The following POLQ variants were observed in gnomAD, a reference collection of about 807,000 sequenced individuals.
The protein encoded by POLQ is epididymis secretory sperm binding protein.
Under a neutral mutation model 259.2 loss-of-function variants are expected in POLQ, and 233 were observed. The observed-to-expected ratio is 0.90, with a 90% CI of 0.81 to 1.00. POLQ has a LOEUF of 1.00. POLQ is among the 50% of genes least tolerant of loss of function. The probability of loss-of-function intolerance (pLI) is 0.00; values close to 1 mark genes in which losing one functional copy is unlikely to be tolerated. For synonymous variants in POLQ, 1,025 were observed against 1,048.8 expected, an observed-to-expected ratio of 0.98 and a Z score of 0.44; for missense variants, 2,871 against 3,051.6, an observed-to-expected ratio of 0.94 and a Z score of 1.39.
At chr3:121,457,525 A>G (rs2047752389) in intron 25 of POLQ, among the ~76,000 whole-genome samples, 1 of 152,216 alleles carries the variant, frequency 6.6e-6, no homozygotes, top group South Asian at 2.1e-4. Context: ...AATGAACTCA[A>G]ACAAACTTAC....
At position 121,533,129 on chromosome 3, in the gene POLQ, A is replaced by G. The variant is rs2108818285; in HGVS notation, c.821T>C (p.Val274Ala). 1.9e-6 allele frequency: 3 copies of G among 1,614,140 alleles called. No homozygotes were observed. Among genetic ancestry groups the G allele is most frequent in the South Asian group, 2.2e-5 (2 of 91,082 alleles). ...GAGTTCAGCATTCAACCAGGAAGCC[A>G]CAAGCTCCAAATTAGGAAGGGTAGC... ...MSATLPNLEL[V>A]ASWLNAELYH... is the part of the protein sequence containing the mutation. Residue 274 changes from valine (V) to alanine (A), a missense_variant, in exon 6 of 30, where the codon GTG (valine) becomes GCG (alanine). Val to Ala is a moderately conservative substitution (Grantham distance 64, BLOSUM62 0). Coordinates refer to ENST00000264233, the MANE Select transcript of POLQ (RefSeq NM_199420.4).
chr3:121,466,435 A>C (rs938953693), intron 24 of POLQ, among the ~76,000 whole-genome samples: 3 of 151,306 alleles, frequency 2.0e-5, no homozygotes, highest in African/African-American at 7.3e-5. Flanking sequence ...TCACGCCTGT[A>C]ATCCCAGCAC....
intron 25 of POLQ, 46 bp from the exon 26 acceptor site, chr3:121,449,472 T>C: frequency 9.2e-7 from 1 of 1,090,484 alleles, no homozygotes; most frequent in Non-Finnish European, 1.4e-6. Flanking sequence ...GTACATAAAA[T>C]GCAAATAAAA....
intron 22 of POLQ, among the ~76,000 whole-genome samples, chr3:121,469,021 A>T (rs1250930694): frequency 1.3e-5 from 2 of 152,070 alleles, no homozygotes; most frequent in Non-Finnish European, 2.9e-5. Flanking sequence ...CCCCGTCTCC[A>T]CTAAAAACAC....
chr3:121,475,624 C>T (rs1296379052), intron 20 of POLQ, among the ~76,000 whole-genome samples: 2 of 152,016 alleles, frequency 1.3e-5, no homozygotes, highest in African/African-American at 4.8e-5. Context: ...TTAGCTTAAG[C>T]ATTTTTTTGG....
intron 8 of POLQ, chr3:121,521,539 T>A (rs1457053112): frequency 2.6e-5 from 4 of 152,402 alleles, no homozygotes; most frequent in African/African-American, 9.6e-5. Flanking sequence ...GAGACTACTA[T>A]ATAGAAATAA....
At chr3:121,461,124 T>C (rs1050746475) in intron 24 of POLQ, among the ~76,000 whole-genome samples, 8 of 152,152 alleles carry the variant, frequency 5.3e-5, no homozygotes, top group African/African-American at 1.9e-4. Flanking sequence ...ATTACAAAAG[T>C]TGGACAACAC....
intron 5 of POLQ, among the ~76,000 whole-genome samples, chr3:121,535,693 G>A (rs2048445082): frequency 7.7e-6 from 1 of 130,184 alleles, no homozygotes; most frequent in Admixed American, 9.1e-5. Flanking sequence ...TCCAGCCTGG[G>A]CAAAAGAGCG....
intron 18 of POLQ, 36 bp downstream of exon 18, chr3:121,483,350 G>T: frequency 8.3e-7 from 1 of 1,201,726 alleles, no homozygotes; most frequent in Non-Finnish European, 1.1e-6. Flanking sequence ...TAAAAATGTT[G>T]TTTTAAGTAT....
At chr3:121,542,860 G>A (rs1299703029) in intron 2 of POLQ, among the ~76,000 whole-genome samples, 2 of 151,976 alleles carry the variant, frequency 1.3e-5, no homozygotes, top group Non-Finnish European at 2.9e-5. Context: ...GCGGGCGCCT[G>A]TATGTAATTC....
In POLQ at chr3:121,529,601, A is replaced by G. The variant is rs199610522; in HGVS notation, c.1108+44T>C. On this transcript the variant is annotated intron_variant, in intron 7 of 29. Transcript: ENST00000264233. ...ATAATCACTACCATTACTTTCAAGC[A>G]AATGTACTAAGCATGAAGGCTTTCC... 243 of 1,577,414 alleles carry G rather than the reference A, an allele frequency of 1.5e-4. No individual in the cohort carries two copies. The African/African-American group carries it at 2.8e-3, about 18-fold the overall frequency.
Position 121,449,794 on chromosome 3 carries a change from CATT to C in POLQ, c.7153-371_7153-369del, listed in dbSNP as rs569749520. ...GTGCCTAGGAGTCAGGGAAGAGAAG[CATT>C]ACCAACATCCCTCTTCTTGTCCTTG... On this transcript the variant is annotated intron_variant, in intron 25 of 29. Transcript: ENST00000264233. Among the ~76,000 whole-genome samples, 13 of 152,262 alleles carry C rather than the reference CATT, an allele frequency of 8.5e-5. No individual in the cohort carries two copies. In the South Asian group the frequency reaches 2.1e-3, roughly 24 times the overall value.
intron 27 of POLQ, among the ~76,000 whole-genome samples, chr3:121,436,531 T>A (rs146655341): frequency 6.6e-6 from 1 of 152,336 alleles, no homozygotes; most frequent in South Asian, 2.1e-4. Flanking sequence ...TCTTGACTAC[T>A]CAGTTAGCAT....
chr3:121,492,637 CTTT>C (rs1213332147), intron 15 of POLQ, among the ~76,000 whole-genome samples: 3 of 140,234 alleles, frequency 2.1e-5, no homozygotes, highest in Non-Finnish European at 3.1e-5. Context: ...TTGCTCAGTA[CTTT>C]TTTTTTTTTT....
Position 121,544,855 on chromosome 3 carries a change from G to C in POLQ, c.215C>G (p.Ala72Gly). Reference sequence around the variant, plus strand: ...AACTGCTTTAGGAAGTCCCCAGTTTGCCAATAGTAGCTTGTCTCTTTCGTA... The same window carrying C: ...AACTGCTTTAGGAAGTCCCCAGTTTCCCAATAGTAGCTTGTCTCTTTCGTA... ...PDYERDKLLL[A>G]NWGLPKAVLE... Residue 72 changes from alanine (A) to glycine (G), a missense_variant, in exon 2 of 30, where the codon GCA (alanine) becomes GGA (glycine). Ala to Gly is a moderately conservative substitution (Grantham distance 60). Coordinates refer to ENST00000264233, the MANE Select transcript of POLQ (RefSeq NM_199420.4). 6.2e-7 allele frequency: 1 copy of C among 1,610,908 alleles called. No individual in the cohort carries two copies. The highest frequency in any genetic ancestry group is 8.5e-7 in the Non-Finnish European group (1 of 1,177,218).
intron 26 of POLQ, among the ~76,000 whole-genome samples, chr3:121,440,997 C>T (rs1236026461): frequency 2.0e-5 from 3 of 152,114 alleles, no homozygotes; most frequent in Admixed American, 6.6e-5. Flanking sequence ...AACATTCATC[C>T]TTTGCAATCT....
intron 4 of POLQ, 89 bp from the exon 5 acceptor site, chr3:121,537,297 T>A (rs2048457903): frequency 1.4e-6 from 1 of 736,354 alleles, no homozygotes; most frequent in African/African-American, 1.8e-5. Flanking sequence ...CTATTTAATT[T>A]CCTTTATATC....
intron 19 of POLQ, among the ~76,000 whole-genome samples, chr3:121,478,576 TAAAAAA>T (rs143898506): frequency 2.6e-5 from 2 of 77,400 alleles, no homozygotes; most frequent in Non-Finnish European, 4.8e-5. Context: ...GGCAAATTTG[TAAAAAA>T]AAAAAAAAAA....
chr3:121,501,019 A>G (rs66922316), intron 12 of POLQ, among the ~76,000 whole-genome samples: 105,034 of 151,986 alleles, frequency 0.69, 36,480 homozygotes, highest in East Asian at 0.89. Flanking sequence ...GCTGGAGTGC[A>G]GTGGCACGAT....
Sources: gnomAD v4.1 joint callset for allele counts (sites outside exome capture counted in the v4.1 genomes callset) on GRCh38, gnomAD v4.1.1 for gene constraint, MANE v1.5 for transcripts, NCBI Gene and HGNC (gene_info 2026-07-23, HGNC 2026-07-21) for gene names.